Variants in ZNF287 observed in about 807,000 individuals in gnomAD.
The protein encoded by ZNF287 is zinc finger protein 287, also known as zinc finger protein with KRAB and SCAN domains 13.
A neutral mutation model predicts 73.7 loss-of-function variants in ZNF287; 31 were observed. The ratio of observed to expected loss-of-function variants is 0.42; its 90% CI spans 0.32 to 0.57. ZNF287 has a LOEUF of 0.57. Among genes scored for constraint, ZNF287 ranks in the 20% least tolerant of loss-of-function variants. The pLI, the probability that ZNF287 is intolerant of heterozygous loss-of-function variation, is 0.13. For missense variants in ZNF287, 641 were observed against 909.3 expected (o/e 0.70, Z 3.79); for synonymous variants, 301 against 307.2 (o/e 0.98, Z 0.21).
chr17:16,548,904 A>G lies in ZNF287; in HGVS notation c.*2952T>C, dbSNP rs1221187483. On this transcript the variant is annotated 3_prime_UTR_variant, in exon 6 of 6. Coordinates refer to ENST00000395825, the MANE Select transcript of ZNF287 (RefSeq NM_020653.4). ...GGATCAACAGAGGAAATTTAAACAC[A>G]GACTAAGTCTTCAGATATTAGGGAA... Among the ~76,000 whole-genome samples, 1 of 152,230 alleles carries G rather than the reference A, an allele frequency of 6.6e-6. No homozygotes were observed. The highest frequency in any genetic ancestry group is 1.5e-5 in the Non-Finnish European group (1 of 68,044).
At chr17:16,555,667 C>A (rs1907007000) in intron 5 of ZNF287, among the ~76,000 whole-genome samples, 1 of 150,594 alleles carries the variant, frequency 6.6e-6, no homozygotes, top group Non-Finnish European at 1.5e-5. Flanking sequence ...AAAGGTTGAC[C>A]CTCAATCTAA....
In ZNF287 at chr17:16,552,664, G is replaced by C; in HGVS notation, c.1478C>G (p.Ser493Ter). Residue 493 changes from serine to a stop codon, truncating the protein, a stop_gained, in exon 6 of 6, where the codon TCA (serine) becomes TGA (stop). Transcript: ENST00000395825. LOFTEE classifies it high-confidence loss of function. This position sits in a 1 kb window ranked among gnomAD's most constrained non-coding sequence, Gnocchi z 6.5. ...LECGKTFSHS[S>*]SLINHQRVHT... ...AACTCTCTGATGATTAATCAGTGATGAACTATGACTGAAGGTTTTACCACA... is the reference window on the plus strand; with the variant it reads ...AACTCTCTGATGATTAATCAGTGATCAACTATGACTGAAGGTTTTACCACA... The C allele has an allele frequency of 1.9e-6, 3 of 1,613,956 alleles. No homozygotes were observed. The highest frequency in any genetic ancestry group is 2.5e-6 in the Non-Finnish European group (3 of 1,179,936).
chr17:16,567,953 A>G (rs1218136278), intron 1 of ZNF287, 24 bp from the exon 2 acceptor site: 11 of 1,402,060 alleles, frequency 7.8e-6, no homozygotes, highest in African/African-American at 5.8e-5. Context: ...ATGGACCACA[A>G]GGTCAAGAAT....
Position 16,547,499 on chromosome 17 carries a change from T to G in ZNF287, c.*4357A>C, listed in dbSNP as rs1906341001. On this transcript the variant is annotated 3_prime_UTR_variant, in exon 6 of 6. Coordinates refer to ENST00000395825, the MANE Select transcript of ZNF287 (RefSeq NM_020653.4). Reference sequence around the variant, plus strand: ...TAGGTGCATGCTTAACAAGATTTAGTTGTTTGCACCCGAAAGTTTATCCCA... The same window carrying G: ...TAGGTGCATGCTTAACAAGATTTAGGTGTTTGCACCCGAAAGTTTATCCCA... Among the ~76,000 whole-genome samples the G allele has an allele frequency of 6.6e-6, 1 of 152,212 alleles. No individual in the cohort carries two copies. Among genetic ancestry groups the G allele is most frequent in the African/African-American group, 2.4e-5 (1 of 41,454 alleles).
chr17:16,547,613 T>C lies in ZNF287; in HGVS notation c.*4243A>G, dbSNP rs1906351444. On this transcript the variant is annotated 3_prime_UTR_variant, in exon 6 of 6. Transcript: ENST00000395825. ...TCTTTATGAAAACCAACTTGAATGG[T>C]TGGAAAGAATTGCCAGTGACACTCC... Among the ~76,000 whole-genome samples, 1 of 152,216 alleles carries C rather than the reference T, an allele frequency of 6.6e-6. No individual in the cohort carries two copies. Among genetic ancestry groups the C allele is most frequent in the African/African-American group, 2.4e-5 (1 of 41,464 alleles).
chr17:16,550,705 A>G lies in ZNF287; in HGVS notation c.*1151T>C, dbSNP rs960773074. On this transcript the variant is annotated 3_prime_UTR_variant, in exon 6 of 6. Coordinates refer to ENST00000395825, the MANE Select transcript of ZNF287 (RefSeq NM_020653.4). ...ACTGTAACAAGCTTGAGAGGATCCA[A>G]TTAGGAAGTTTGGGACCTGAGCATA... 1.1e-4 allele frequency among the ~76,000 whole-genome samples: 17 copies of G among 152,170 alleles called. No individual in the cohort carries two copies. The highest frequency in any genetic ancestry group is 1.1e-3 in the Admixed American group (17 of 15,276).
chr17:16,557,420 A>G (rs1031269494), intron 5 of ZNF287, among the ~76,000 whole-genome samples: 1 of 152,178 alleles, frequency 6.6e-6, no homozygotes, highest in African/African-American at 2.4e-5. Flanking sequence ...ACCATAAAAT[A>G]TAATAAAGAA....
At chr17:16,556,310 C>A (rs1204542793) in intron 5 of ZNF287, among the ~76,000 whole-genome samples, 1 of 152,002 alleles carries the variant, frequency 6.6e-6, no homozygotes. Flanking sequence ...AATACAAAAT[C>A]ACAGTTTACC....
rs1051533746 is a variant in ZNF287, at chr17:16,551,047, A to G, written c.*809T>C. ...CATTAAGCTTCTCTTTAATATTTCCATATCTGAGGGAAGGTGTAACCAGTG... is the reference window on the plus strand; with the variant it reads ...CATTAAGCTTCTCTTTAATATTTCCGTATCTGAGGGAAGGTGTAACCAGTG... On this transcript the variant is annotated 3_prime_UTR_variant, in exon 6 of 6. Coordinates refer to ENST00000395825, the MANE Select transcript of ZNF287 (RefSeq NM_020653.4). 6.6e-6 allele frequency among the ~76,000 whole-genome samples: 1 copy of G among 152,050 alleles called. No individual in the cohort carries two copies. The highest frequency in any genetic ancestry group is 2.4e-5 in the African/African-American group (1 of 41,408).
chr17:16,560,955 G>A (rs1907414344), intron 5 of ZNF287, among the ~76,000 whole-genome samples: 1 of 150,838 alleles, frequency 6.6e-6, no homozygotes, highest in Non-Finnish European at 1.5e-5. Flanking sequence ...GTGAGCCAAG[G>A]TCCCCCCACT....
intron 5 of ZNF287, among the ~76,000 whole-genome samples, chr17:16,562,208 G>A (rs1389042214): frequency 6.6e-6 from 1 of 151,746 alleles, no homozygotes; most frequent in Non-Finnish European, 1.5e-5. Context: ...CCATGAATAA[G>A]GAACAAGTTC....
intron 3 of ZNF287, 121 bp from the exon 4 acceptor site, chr17:16,563,946 G>A (rs1263121289): frequency 2.5e-6 from 3 of 1,202,136 alleles, no homozygotes; most frequent in East Asian, 5.3e-5. Context: ...TAGGATCCTA[G>A]AAGTTGTCTA....
chr17:16,548,328 A>G lies in ZNF287; in HGVS notation c.*3528T>C, dbSNP rs1906403826. Among the ~76,000 whole-genome samples the G allele has an allele frequency of 6.6e-6, 1 of 152,234 alleles. No homozygotes were observed. Among genetic ancestry groups the G allele is most frequent in the Non-Finnish European group, 1.5e-5 (1 of 68,046 alleles). ...AATGAGACTTTTGATATGATGCACT[A>G]TGAAATACATCTGTGAGGTGTTATC... On this transcript the variant is annotated 3_prime_UTR_variant, in exon 6 of 6. Coordinates refer to ENST00000395825, the MANE Select transcript of ZNF287 (RefSeq NM_020653.4).
At position 16,549,496 on chromosome 17, in the gene ZNF287, TAAAA is replaced by T. The variant is rs1397663115; in HGVS notation, c.*2356_*2359del. The stretch of plus-strand genomic sequence containing the variant: ...TAAGATTTTCAAACAACTGTTATTT[TAAAA>T]AACAGCTATATAAGCACAGTTTGAG... On this transcript the variant is annotated 3_prime_UTR_variant, in exon 6 of 6. Coordinates refer to ENST00000395825, the MANE Select transcript of ZNF287 (RefSeq NM_020653.4). Among the ~76,000 whole-genome samples, 2 of 152,200 alleles carry T rather than the reference TAAAA, an allele frequency of 1.3e-5. No homozygotes were observed.
chr17:16,551,177 A>AG lies in ZNF287; in HGVS notation c.*678dup, dbSNP rs995784336. On this transcript the variant is annotated 3_prime_UTR_variant, in exon 6 of 6. Transcript: ENST00000395825. The stretch of plus-strand genomic sequence containing the variant: ...AGGAGAAGGGGAAGTAAAACAGGGA[A>AG]GGGAGTCCTTTACATATTTTAAGGC... 6.0e-4 allele frequency among the ~76,000 whole-genome samples: 92 copies of AG among 152,298 alleles called. No homozygotes were observed. The highest frequency in any genetic ancestry group is 2.0e-3 in the African/African-American group (85 of 41,568).
In ZNF287 at chr17:16,548,118, A is replaced by G. The variant is rs1409223207; in HGVS notation, c.*3738T>C. On this transcript the variant is annotated 3_prime_UTR_variant, in exon 6 of 6. Transcript: ENST00000395825. ...TCATTTTGCAAACATTGATGAGACA[A>G]TGGATTCAGGCAACGATCACCGTTG... Among the ~76,000 whole-genome samples the G allele has an allele frequency of 2.0e-5, 3 of 152,226 alleles. No homozygotes were observed. The highest frequency in any genetic ancestry group is 7.2e-5 in the African/African-American group (3 of 41,458).
intron 5 of ZNF287, among the ~76,000 whole-genome samples, chr17:16,560,315 T>C (rs865856913): frequency 1.6e-5 from 2 of 125,136 alleles, no homozygotes; most frequent in African/African-American, 9.8e-5. Context: ...GTGGTGTATA[T>C]ATATATATAT....
rs749083471 is a variant in ZNF287 at position 16,549,537 on chromosome 17, C to G, written c.*2319G>C. Among the ~76,000 whole-genome samples, 3 of 152,160 alleles carry G rather than the reference C, an allele frequency of 2.0e-5. No individual in the cohort carries two copies. The highest frequency in any genetic ancestry group is 4.4e-5 in the Non-Finnish European group (3 of 68,040). ...AAGCACAGTTTGAGTATTCTGCAAC[C>G]TGTACTTTGTGCAGGATGATACTAT... On this transcript the variant is annotated 3_prime_UTR_variant, in exon 6 of 6. Transcript: ENST00000395825.
chr17:16,560,136 A>T (rs1248232372), intron 5 of ZNF287, among the ~76,000 whole-genome samples: 2 of 151,274 alleles, frequency 1.3e-5, no homozygotes, highest in Admixed American at 6.6e-5. Flanking sequence ...TATTATTATT[A>T]TTTTTAGTAG....
Sources: gnomAD v4.1 joint callset for allele counts (sites outside exome capture counted in the v4.1 genomes callset) on GRCh38, gnomAD v4.1.1 for gene constraint, Gnocchi (gnomAD v3.1) non-coding constraint, MANE v1.5 for transcripts, NCBI Gene and HGNC (gene_info 2026-07-23, HGNC 2026-07-21) for gene names.